Variants in CSMD1 observed in about 807,000 individuals in gnomAD.
CSMD1 encodes CUB and Sushi multiple domains 1, also known as CUB and sushi domain-containing protein 1.
A neutral mutation model predicts 417.5 loss-of-function variants in CSMD1; 213 were observed. The observed-to-expected ratio is 0.51, with a 90% CI of 0.46 to 0.57. CSMD1 has a LOEUF of 0.57. Among genes scored for constraint, CSMD1 ranks in the 20% least tolerant of loss-of-function variants. The probability of loss-of-function intolerance (pLI) is 0.00; values close to 1 mark genes in which losing one functional copy is unlikely to be tolerated. For synonymous variants in CSMD1, 2,862 were observed against 1,736.8 expected (o/e 1.65, Z -16.11); for missense variants, 6,923 against 4,529.7 (o/e 1.53, Z -15.17).
chr8:4,469,337 T>C (rs972141300), intron 2 of CSMD1, among the ~76,000 whole-genome samples: 4 of 152,330 alleles, frequency 2.6e-5, no homozygotes, highest in African/African-American at 7.2e-5. Context: ...TTCTGAAAAG[T>C]CTTGTTATTT....
At chr8:3,596,534 A>C (rs948007366) in intron 8 of CSMD1, among the ~76,000 whole-genome samples, 1 of 152,148 alleles carries the variant, frequency 6.6e-6, no homozygotes, top group African/African-American at 2.4e-5. Context: ...GGAACTTATC[A>C]CTTAAATCCG....
chr8:3,503,790 G>C (rs533815174), intron 10 of CSMD1, among the ~76,000 whole-genome samples: 1 of 151,710 alleles, frequency 6.6e-6, no homozygotes, highest in East Asian at 1.9e-4. Context: ...CTAAAAAGCA[G>C]CCCCCCTCTT....
chr8:3,625,821 G>C (rs1035384272), intron 7 of CSMD1, among the ~76,000 whole-genome samples: 11 of 151,954 alleles, frequency 7.2e-5, no homozygotes, highest in Non-Finnish European at 8.8e-5. Flanking sequence ...CCTGCCCTAG[G>C]TTATTTTTCT....
chr8:3,756,532 C>T (rs1025075630), intron 5 of CSMD1, among the ~76,000 whole-genome samples: 1 of 152,132 alleles, frequency 6.6e-6, no homozygotes, highest in African/African-American at 2.4e-5. Context: ...ACATCAGATA[C>T]GATCCTAATG....
intron 7 of CSMD1, among the ~76,000 whole-genome samples, chr8:3,691,677 T>C (rs536330258): frequency 3.9e-5 from 6 of 152,192 alleles, no homozygotes; most frequent in Non-Finnish European, 8.8e-5. Context: ...GCTAAGTATT[T>C]TTTATAGCAA....
chr8:4,154,272 A>G lies in CSMD1; in HGVS notation c.416-122173T>C, dbSNP rs575034271. Among the ~76,000 whole-genome samples the G allele has an allele frequency of 3.2e-5, 3 of 92,410 alleles. No homozygotes were observed. The South Asian group carries it at 9.4e-4, about 29-fold the overall frequency. The allele number at this position is 92,410 out of a possible 152,430, so 60.6% of individuals were successfully genotyped here. On this transcript the variant is annotated intron_variant, in intron 3 of 69. Coordinates refer to ENST00000635120, the MANE Select transcript of CSMD1 (RefSeq NM_033225.6). ...TTTCTGGCAAACAGTAATGCTAAAA[A>G]ATAAATAAATAAATAAGATGTTTCT...
At chr8:3,946,539 A>G (rs957699545) in intron 5 of CSMD1, among the ~76,000 whole-genome samples, 1 of 152,160 alleles carries the variant, frequency 6.6e-6, no homozygotes, top group African/African-American at 2.4e-5. Context: ...GAATTTTACA[A>G]TTAGTGTGTC....
rs182360563 is a variant in CSMD1 at position 3,526,920 on chromosome 8, G to C, written c.1345-33194C>G. Among the ~76,000 whole-genome samples, 18 of 152,206 alleles carry C rather than the reference G, an allele frequency of 1.2e-4. No homozygotes were observed. In the East Asian group the frequency reaches 3.5e-3, roughly 29 times the overall value. The stretch of plus-strand genomic sequence containing the variant: ...TTCCTAATATTCCTTTCATCTAATG[G>C]TGTCCAGGGGATAAGATCTTTGTCA... On this transcript the variant is annotated intron_variant, in intron 10 of 69. Transcript: ENST00000635120.
At chr8:3,551,883 C>A (rs1032991701) in intron 10 of CSMD1, among the ~76,000 whole-genome samples, 2 of 152,078 alleles carry the variant, frequency 1.3e-5, no homozygotes, top group African/African-American at 4.8e-5. Flanking sequence ...TTAATGTGAT[C>A]ATGCTGAGTG....
At chr8:3,563,811 C>T (rs1799578373) in intron 10 of CSMD1, among the ~76,000 whole-genome samples, 1 of 152,112 alleles carries the variant, frequency 6.6e-6, no homozygotes, top group Non-Finnish European at 1.5e-5. Flanking sequence ...ATTTCTTGAT[C>T]TCAGGAGGCG....
At chr8:3,184,378 G>C (rs1477468350) in intron 36 of CSMD1, among the ~76,000 whole-genome samples, 1 of 152,112 alleles carries the variant, frequency 6.6e-6, no homozygotes, top group Admixed American at 6.5e-5. Context: ...TCCCTGATTA[G>C]GACACAGCCT....
intron 3 of CSMD1, among the ~76,000 whole-genome samples, chr8:4,151,014 A>T (rs1433441922): frequency 6.6e-6 from 1 of 152,170 alleles, no homozygotes; most frequent in African/African-American, 2.4e-5. Flanking sequence ...TGCAAGAGAA[A>T]TTGTGTCCCA....
chr8:4,163,421 C>G (rs867632365), intron 3 of CSMD1, among the ~76,000 whole-genome samples: 1 of 152,082 alleles, frequency 6.6e-6, no homozygotes, highest in Non-Finnish European at 1.5e-5. Flanking sequence ...TGGATTTTGG[C>G]CAATTTCTTT....
intron 2 of CSMD1, among the ~76,000 whole-genome samples, chr8:4,548,079 A>C (rs1027373316): frequency 6.6e-6 from 1 of 152,170 alleles, no homozygotes. Flanking sequence ...GCACAGTGTA[A>C]AGAAGGAATT....
chr8:3,193,373 G>A (rs901825475), intron 33 of CSMD1, among the ~76,000 whole-genome samples: 6 of 152,214 alleles, frequency 3.9e-5, no homozygotes, highest in Non-Finnish European at 8.8e-5. Context: ...TGGAAAGTGA[G>A]GACACCAATT....
intron 3 of CSMD1, among the ~76,000 whole-genome samples, chr8:4,170,162 GA>G (rs1797690532): frequency 6.6e-6 from 1 of 151,780 alleles, no homozygotes; most frequent in African/African-American, 2.4e-5. Flanking sequence ...CCTCCTTGTT[GA>G]TAAGAGTGAA....
At chr8:3,655,967 G>T (rs1242730604) in intron 7 of CSMD1, among the ~76,000 whole-genome samples, 1 of 152,046 alleles carries the variant, frequency 6.6e-6, no homozygotes, top group Non-Finnish European at 1.5e-5. Flanking sequence ...TGTCCCACCT[G>T]GCTCAGAACC....
At chr8:4,585,435 G>A (rs1209929914) in intron 2 of CSMD1, among the ~76,000 whole-genome samples, 1 of 151,954 alleles carries the variant, frequency 6.6e-6, no homozygotes, top group African/African-American at 2.4e-5. Flanking sequence ...CACAAAACGT[G>A]GAATATGGGC....
At chr8:4,157,063 C>T (rs1228147870) in intron 3 of CSMD1, among the ~76,000 whole-genome samples, 2 of 152,274 alleles carry the variant, frequency 1.3e-5, no homozygotes, top group South Asian at 4.1e-4. Flanking sequence ...TAGACCAGAA[C>T]AGGGATGGAC....
Sources: allele counts gnomAD v4.1 joint callset (sites outside exome capture counted in the v4.1 genomes callset), GRCh38; gene constraint gnomAD v4.1.1; transcripts MANE v1.5; gene names NCBI Gene and HGNC (gene_info 2026-07-23, HGNC 2026-07-21).